CD226: variants seen among roughly 807,000 people sequenced by gnomAD.
CD226 encodes the protein CD226 antigen.
CD226 carries 24 observed loss-of-function variants against 34.9 expected under a neutral mutation model. The observed-to-expected ratio is 0.69, with a 90% confidence interval of 0.50 to 0.97. The LOEUF is 0.97. CD226 is among the 50% of genes least tolerant of loss of function. The pLI is 0.00. For synonymous variants in CD226, 148 were observed against 147.4 expected (o/e 1.00, Z -0.03); for missense variants, 397 against 412.7 (o/e 0.96, Z 0.33).
chr18:69,920,726 C>T (rs1454259042), intron 2 of CD226, among the ~76,000 whole-genome samples: 1 of 152,198 alleles, frequency 6.6e-6, no homozygotes, highest in South Asian at 2.1e-4. Context: ...TCATTTGAGG[C>T]ACTGTTATTA....
intron 3 of CD226, among the ~76,000 whole-genome samples, chr18:69,894,038 C>G (rs1044272461): frequency 6.6e-6 from 1 of 151,114 alleles, no homozygotes; most frequent in African/African-American, 2.4e-5. Flanking sequence ...GGTAAATTAG[C>G]TGGCTGAAAG....
At chr18:69,947,308 C>T in intron 1 of CD226, 53 bp downstream of exon 1, 3 of 1,246,796 alleles carry the variant, frequency 2.4e-6, no homozygotes, top group Non-Finnish European at 2.3e-6. Context: ...CCACACTGTA[C>T]AAACAAAAAC....
At chr18:69,870,952 C>T (rs142574120) in intron 4 of CD226, among the ~76,000 whole-genome samples, 2 of 152,340 alleles carry the variant, frequency 1.3e-5, no homozygotes, top group Admixed American at 1.3e-4. Flanking sequence ...GTGCTTTTCC[C>T]TTGTGGTGTG....
rs1982642761 is a variant in CD226, at chr18:69,857,373, C to A, written c.*6941G>T. The A allele has an allele frequency of 6.6e-6, 1 of 152,218 alleles. No individual in the cohort carries two copies. Among genetic ancestry groups the A allele is most frequent in the Non-Finnish European group, 1.5e-5 (1 of 68,044 alleles). 9.4% of individuals were successfully genotyped at this position (152,218 alleles called of 1,614,324 possible). A position where few individuals can be genotyped will look rare whatever the true frequency, so the allele number is the denominator to read the frequency against. On this transcript the variant is annotated 3_prime_UTR_variant, in exon 6 of 6. Transcript: ENST00000582621. The stretch of plus-strand genomic sequence containing the variant: ...TAAAGTGTGGGATAAATCAGCTCAA[C>A]TGAAGCCACATCCAAAGCTGTTACT...
chr18:69,888,700 TC>T (rs763930900), intron 3 of CD226, among the ~76,000 whole-genome samples: 1 of 152,156 alleles, frequency 6.6e-6, no homozygotes, highest in Non-Finnish European at 1.5e-5. Context: ...GAACAGCAGT[TC>T]CTAGGATCAA....
intron 3 of CD226, among the ~76,000 whole-genome samples, chr18:69,876,063 G>A (rs1180579211): frequency 6.6e-6 from 1 of 152,068 alleles, no homozygotes; most frequent in Non-Finnish European, 1.5e-5. Flanking sequence ...TGTATGCCCT[G>A]AATATATTCA....
chr18:69,933,067 G>A (rs2055607909), intron 2 of CD226, among the ~76,000 whole-genome samples: 1 of 152,146 alleles, frequency 6.6e-6, no homozygotes, highest in Non-Finnish European at 1.5e-5. Context: ...CTGCACCGTG[G>A]GGGCAGTGTC....
chr18:69,912,581 A>G (rs1480127602), intron 2 of CD226, among the ~76,000 whole-genome samples: 1 of 152,216 alleles, frequency 6.6e-6, no homozygotes, highest in Non-Finnish European at 1.5e-5. Context: ...TGAGGGCTAG[A>G]ACAAATGTCA....
intron 2 of CD226, among the ~76,000 whole-genome samples, chr18:69,946,351 T>C (rs1266363351): frequency 6.6e-6 from 1 of 152,062 alleles, no homozygotes; most frequent in Non-Finnish European, 1.5e-5. Context: ...CAGGGGTTGA[T>C]GTGGGTGCTG....
At chr18:69,903,790 G>T (rs1480389275) in intron 2 of CD226, among the ~76,000 whole-genome samples, 1 of 152,102 alleles carries the variant, frequency 6.6e-6, no homozygotes, top group Non-Finnish European at 1.5e-5. Context: ...CCCCCAGAGG[G>T]AACCAACCCT....
Position 69,855,361 on chromosome 18 carries a change from G to A in CD226, c.*8953C>T, listed in dbSNP as rs1425624506. 1 of 152,144 alleles carries A rather than the reference G, an allele frequency of 6.6e-6. No homozygotes were observed. Among genetic ancestry groups the A allele is most frequent in the Non-Finnish European group, 1.5e-5 (1 of 68,002 alleles). 9.4% of individuals were successfully genotyped at this position (152,144 alleles called of 1,614,324 possible). ...GGTAGCAATAAAAAACATAGTAATA[G>A]AAAGGAAGGATATCTTTGATGCAAT... On this transcript the variant is annotated 3_prime_UTR_variant, in exon 6 of 6. Coordinates refer to ENST00000582621, the MANE Select transcript of CD226 (RefSeq NM_001303618.2).
At chr18:69,953,121 A>C (rs1291391520) in intron 1 of CD226, among the ~76,000 whole-genome samples, 2 of 152,020 alleles carry the variant, frequency 1.3e-5, no homozygotes, top group African/African-American at 2.4e-5. Flanking sequence ...AAGCGTTGTA[A>C]AGAAATGTAA....
At chr18:69,892,098 T>A (rs1176882843) in intron 3 of CD226, among the ~76,000 whole-genome samples, 1 of 152,192 alleles carries the variant, frequency 6.6e-6, no homozygotes, top group Non-Finnish European at 1.5e-5. Flanking sequence ...ATTTGAACCT[T>A]GATGGTCCCG....
chr18:69,956,873 A>T (rs914855384), exon 1 of CD226: 4 of 152,206 alleles, frequency 2.6e-5, no homozygotes, highest in Non-Finnish European at 5.9e-5. Context: ...GGTCACTGCA[A>T]GCTCCCCGCT....
chr18:69,920,783 GAC>G (rs146270345), intron 2 of CD226, among the ~76,000 whole-genome samples: 3,274 of 152,274 alleles, frequency 0.022, 111 homozygotes, highest in African/African-American at 0.073. Flanking sequence ...GACTAGCGAA[GAC>G]AGAGTCAGTA....
intron 2 of CD226, among the ~76,000 whole-genome samples, chr18:69,926,094 G>T (rs1158288602): frequency 6.6e-6 from 1 of 152,072 alleles, no homozygotes; most frequent in African/African-American, 2.4e-5. Context: ...AGTGTGCCAA[G>T]ATTGCGCCAC....
intron 2 of CD226, among the ~76,000 whole-genome samples, chr18:69,900,692 A>G (rs1424913280): frequency 4.1e-5 from 6 of 147,444 alleles, no homozygotes; most frequent in South Asian, 2.2e-4. Flanking sequence ...AGATTGCGCC[A>G]CTGCAGTCCG....
rs199919037 is a variant in CD226, at chr18:69,946,246, AAAAG to A, written c.382+484_382+487del. On this transcript the variant is annotated intron_variant, in intron 2 of 5. Coordinates refer to ENST00000582621, the MANE Select transcript of CD226 (RefSeq NM_001303618.2). ...AAGAAAGACAGGAAAGAAAGGAAAGAAAAGAAAGAAAGAGAGAGAGAGAAAGAAA... is the reference window on the plus strand; with the variant it reads ...AAGAAAGACAGGAAAGAAAGGAAAGAAAAGAAAGAGAGAGAGAGAAAGAAA... Among the ~76,000 whole-genome samples the A allele has an allele frequency of 9.2e-3, 1,394 of 151,114 alleles. 24 individuals are homozygous for A. Among genetic ancestry groups the A allele is most frequent in the African/African-American group, 0.032 (1,300 of 41,040 alleles).
chr18:69,869,722 T>C (rs1028418274), intron 4 of CD226, among the ~76,000 whole-genome samples: 1 of 151,300 alleles, frequency 6.6e-6, no homozygotes, highest in Non-Finnish European at 1.5e-5. Context: ...CATATCACAA[T>C]TGGATTTACG....
Sources: gnomAD v4.1 joint callset for allele counts (sites outside exome capture counted in the v4.1 genomes callset) on GRCh38, gnomAD v4.1.1 for gene constraint, MANE v1.5 for transcripts, NCBI Gene and HGNC (gene_info 2026-07-23, HGNC 2026-07-21) for gene names.